Variants in FRMD4A observed in about 807,000 individuals in gnomAD.
FRMD4A encodes FERM domain containing 4A, also known as FERM domain-containing protein 4A.
FRMD4A carries 29 observed loss-of-function variants against 129.1 expected under a neutral mutation model. The ratio of observed to expected loss-of-function variants is 0.22; its 90% CI spans 0.17 to 0.31. The LOEUF is 0.31. Among genes scored for constraint, FRMD4A ranks in the 10% least tolerant of loss-of-function variants. The probability of loss-of-function intolerance (pLI) is 1.00; values close to 1 mark genes in which losing one functional copy is unlikely to be tolerated. For missense variants in FRMD4A, 1,272 were observed against 1,375.8 expected (o/e 0.92, Z 1.19); for synonymous variants, 634 against 571.6 (o/e 1.11, Z -1.56).
chr10:14,127,970 CT>C (rs57802297), intron 2 of FRMD4A, among the ~76,000 whole-genome samples: 1 of 64,886 alleles, frequency 1.5e-5, no homozygotes, highest in African/African-American at 7.5e-5. Flanking sequence ...TTCTTTCTTT[CT>C]TTCTTTCCTT....
At chr10:14,260,525 G>A (rs1844765987) in intron 2 of FRMD4A, among the ~76,000 whole-genome samples, 1 of 152,192 alleles carries the variant, frequency 6.6e-6, no homozygotes, top group South Asian at 2.1e-4. Flanking sequence ...TAAATCACAA[G>A]TAAAGAGTGT....
chr10:14,182,102 C>A (rs34566383), intron 2 of FRMD4A, among the ~76,000 whole-genome samples: 42,207 of 152,034 alleles, frequency 0.28, 5,960 homozygotes, highest in Admixed American at 0.33. Flanking sequence ...TAAGAGGCAA[C>A]CCCAACACTA....
chr10:13,931,262 A>G (rs1311975806), intron 2 of FRMD4A, among the ~76,000 whole-genome samples: 1 of 152,188 alleles, frequency 6.6e-6, no homozygotes, highest in Non-Finnish European at 1.5e-5. Flanking sequence ...GAGCTAAGTC[A>G]AGGCCAAGGC....
intron 9 of FRMD4A, among the ~76,000 whole-genome samples, chr10:13,746,941 A>G (rs1209157016): frequency 6.6e-6 from 1 of 152,192 alleles, no homozygotes; most frequent in African/African-American, 2.4e-5. Context: ...GAGCTATGGC[A>G]TAATGTTACA....
chr10:13,865,802 G>GT (rs1564936256), intron 2 of FRMD4A, among the ~76,000 whole-genome samples: 1 of 152,092 alleles, frequency 6.6e-6, no homozygotes, highest in South Asian at 2.1e-4. Flanking sequence ...AAAAACATGT[G>GT]TTTTTTAAAA....
chr10:14,138,863 C>A (rs985644571), intron 2 of FRMD4A, among the ~76,000 whole-genome samples: 1 of 152,174 alleles, frequency 6.6e-6, no homozygotes, highest in Non-Finnish European at 1.5e-5. Context: ...CTGAGATAAG[C>A]TGTTAAAATA....
At chr10:13,714,027 C>CATATATATAAAATATATATTTTAT (rs1554858885) in intron 12 of FRMD4A, among the ~76,000 whole-genome samples, 4,506 of 30,920 alleles carry the variant, frequency 0.15, 1,164 homozygotes, top group Middle Eastern at 0.22. Flanking sequence ...ATAAAATATA[C>CATATATATAAAATATATATTTTAT]ATATATATAT....
chr10:13,737,330 T>A (rs924276001), intron 12 of FRMD4A, among the ~76,000 whole-genome samples: 10 of 152,174 alleles, frequency 6.6e-5, no homozygotes, highest in Non-Finnish European at 1.2e-4. Flanking sequence ...CCTTAAGTGA[T>A]CCACCTGCCT....
chr10:13,987,260 A>G (rs528377641), intron 2 of FRMD4A, among the ~76,000 whole-genome samples: 4 of 152,182 alleles, frequency 2.6e-5, no homozygotes, highest in Admixed American at 1.3e-4. Flanking sequence ...CAACTGGCCC[A>G]TGGAAGGAGT....
chr10:13,652,818 A>C (rs954200146), intron 23 of FRMD4A: 4 of 152,210 alleles, frequency 2.6e-5, no homozygotes, highest in African/African-American at 7.2e-5. Flanking sequence ...GCTCACCCCC[A>C]GAGTTTTGGA....
intron 2 of FRMD4A, among the ~76,000 whole-genome samples, chr10:14,107,886 T>G (rs1719001969): frequency 6.6e-6 from 1 of 152,202 alleles, no homozygotes; most frequent in Non-Finnish European, 1.5e-5. Context: ...GCTTTTCTTT[T>G]GCTATGATAA....
chr10:13,661,092 T>TA (rs1424857328), intron 19 of FRMD4A, among the ~76,000 whole-genome samples: 1 of 152,162 alleles, frequency 6.6e-6, no homozygotes, highest in Non-Finnish European at 1.5e-5. Flanking sequence ...GTGGATCGGG[T>TA]GTCTACTCTG....
At chr10:13,897,529 C>G (rs2094771908) in intron 2 of FRMD4A, among the ~76,000 whole-genome samples, 2 of 152,164 alleles carry the variant, frequency 1.3e-5, no homozygotes, top group South Asian at 4.2e-4. Context: ...GCAGATGACA[C>G]GAGACCCTAT....
intron 16 of FRMD4A, among the ~76,000 whole-genome samples, chr10:13,672,484 C>A (rs1285438201): frequency 1.3e-5 from 2 of 151,522 alleles, no homozygotes; most frequent in African/African-American, 4.9e-5. Context: ...GTTAAAATTG[C>A]CATGGATCTG....
chr10:13,732,379 G>T (rs1485998224), intron 12 of FRMD4A, among the ~76,000 whole-genome samples: 2 of 152,156 alleles, frequency 1.3e-5, no homozygotes, highest in African/African-American at 4.8e-5. Flanking sequence ...GGATTCTCAA[G>T]GCGGCTGCTG....
chr10:13,749,135 C>T (rs2091440389), intron 8 of FRMD4A, among the ~76,000 whole-genome samples: 1 of 152,156 alleles, frequency 6.6e-6, no homozygotes, highest in Non-Finnish European at 1.5e-5. Context: ...AGTTTTGATA[C>T]TGAAAGAGCG....
chr10:13,773,594 G>A (rs1237320902), intron 6 of FRMD4A, among the ~76,000 whole-genome samples: 1 of 152,208 alleles, frequency 6.6e-6, no homozygotes, highest in Non-Finnish European at 1.5e-5. Flanking sequence ...GCTGTAAGAT[G>A]TATAATTTGT....
At chr10:14,102,053 T>C (rs1274952688) in intron 2 of FRMD4A, among the ~76,000 whole-genome samples, 9 of 152,212 alleles carry the variant, frequency 5.9e-5, no homozygotes, top group African/African-American at 2.2e-4. Context: ...TTCCACCCAG[T>C]TAAGTACCTT....
intron 2 of FRMD4A, among the ~76,000 whole-genome samples, chr10:14,034,598 A>G (rs1408771810): frequency 6.6e-6 from 1 of 151,968 alleles, no homozygotes; most frequent in African/African-American, 2.4e-5. Flanking sequence ...AGATGATCAG[A>G]TCTGATCCTG....
Sources: allele counts gnomAD v4.1 joint callset (sites outside exome capture counted in the v4.1 genomes callset), GRCh38; gene constraint gnomAD v4.1.1; transcripts MANE v1.5; gene names NCBI Gene and HGNC (gene_info 2026-07-23, HGNC 2026-07-21).